EYS: variants seen among roughly 807,000 people sequenced by gnomAD.
EYS encodes the protein EGF-like photoreceptor maintenance factor.
Under a neutral mutation model 282.1 loss-of-function variants are expected in EYS, and 250 were observed. That is an observed-to-expected ratio of 0.89 (90% confidence interval 0.80 to 0.98). The LOEUF is 0.98. Ranked by LOEUF, EYS falls within the 50% of genes least tolerant of loss-of-function variation. The probability of loss-of-function intolerance (pLI) is 0.00; values close to 1 mark genes in which losing one functional copy is unlikely to be tolerated. For missense variants in EYS, 4,016 were observed against 3,709.0 expected (o/e 1.08, Z -2.15); for synonymous variants, 1,355 against 1,282.9 (o/e 1.06, Z -1.20).
At chr6:65,440,731 G>A (rs891713293) in intron 5 of EYS, among the ~76,000 whole-genome samples, 18 of 150,598 alleles carry the variant, frequency 1.2e-4, no homozygotes, top group African/African-American at 2.7e-4. Context: ...ATATAGTATC[G>A]TTGAGAAATT....
chr6:64,822,774 A>T lies in EYS; in HGVS notation c.3041T>A (p.Leu1014His), dbSNP rs1269732161. The T allele has an allele frequency of 2.6e-6, 4 of 1,549,984 alleles. No homozygotes were observed. In the East Asian group the frequency reaches 9.8e-5, roughly 38 times the overall value. Residue 1014 changes from leucine (L) to histidine (H), a missense_variant, in exon 20 of 43, where the codon CTC (leucine) becomes CAC (histidine). Coordinates refer to ENST00000503581, the MANE Select transcript of EYS (RefSeq NM_001142800.2). ...NLDECLSEPCLHDGVCIDGIN... is the reference protein window; with the variant it reads ...NLDECLSEPCHHDGVCIDGIN... The stretch of plus-strand genomic sequence containing the variant: ...GCCATCGATACAAACTCCATCATGG[A>T]GACAGGGCTCTGATAGGCATTCATC...
At chr6:65,508,059 G>A (rs571160381) in intron 2 of EYS, among the ~76,000 whole-genome samples, 1 of 152,214 alleles carries the variant, frequency 6.6e-6, no homozygotes, top group South Asian at 2.1e-4. Flanking sequence ...GGCCTCTAAT[G>A]TGGAGATCTC....
At chr6:64,890,056 C>CT (rs202073704) in intron 18 of EYS, among the ~76,000 whole-genome samples, 6,043 of 139,024 alleles carry the variant, frequency 0.043, 176 homozygotes, top group East Asian at 0.16. Flanking sequence ...CCCCCCCCCC[C>CT]CAAGGTGTGC....
At chr6:64,976,915 C>T (rs6919002) in intron 14 of EYS, among the ~76,000 whole-genome samples, 40,643 of 151,378 alleles carry the variant, frequency 0.27, 6,848 homozygotes, top group African/African-American at 0.47. Flanking sequence ...TTTTTTGAGA[C>T]GGAGTCTCAT....
intron 18 of EYS, among the ~76,000 whole-genome samples, chr6:64,891,740 A>T (rs1305794922): frequency 6.6e-6 from 1 of 152,124 alleles, no homozygotes; most frequent in Non-Finnish European, 1.5e-5. Flanking sequence ...ACTGCATTTT[A>T]TATTAAAGGT....
chr6:65,024,738 T>C (rs1428547684), intron 13 of EYS, among the ~76,000 whole-genome samples: 1 of 152,206 alleles, frequency 6.6e-6, no homozygotes, highest in Non-Finnish European at 1.5e-5. Flanking sequence ...AATATATTCA[T>C]GTAGCTTTAA....
intron 22 of EYS, among the ~76,000 whole-genome samples, chr6:64,635,006 T>C (rs1032934394): frequency 6.6e-6 from 1 of 152,044 alleles, no homozygotes; most frequent in African/African-American, 2.4e-5. Flanking sequence ...CATTGAGCAG[T>C]GGTTTGTAGT....
intron 29 of EYS, among the ~76,000 whole-genome samples, chr6:64,382,614 T>A (rs1772784083): frequency 6.6e-6 from 1 of 152,184 alleles, no homozygotes; most frequent in South Asian, 2.1e-4. Flanking sequence ...CAGTGGTACA[T>A]CTAAACCAGA....
At chr6:64,162,902 A>C (rs1201703605) in intron 31 of EYS, among the ~76,000 whole-genome samples, 1 of 152,170 alleles carries the variant, frequency 6.6e-6, no homozygotes, top group Admixed American at 6.5e-5. Flanking sequence ...ACTGTTCAGA[A>C]ATAGTATGAA....
intron 14 of EYS, among the ~76,000 whole-genome samples, chr6:64,971,048 A>G (rs1770276770): frequency 6.6e-6 from 1 of 152,216 alleles, no homozygotes. Context: ...ATAATGCAAG[A>G]AAAAGCAAAA....
intron 12 of EYS, among the ~76,000 whole-genome samples, chr6:65,105,655 G>T (rs866148714): frequency 6.6e-6 from 1 of 151,824 alleles, no homozygotes; most frequent in South Asian, 2.1e-4. Context: ...CCACTGCGGT[G>T]CACTATATAA....
Position 64,910,163 on chromosome 6 carries a change from T to C in EYS, c.2641+2321A>G, listed in dbSNP as rs539476413. The stretch of plus-strand genomic sequence containing the variant: ...GGAGCTTCCAAATCATATCTGTAGA[T>C]GTTAAGTCTTGGAATTCTTTGTAGT... On this transcript the variant is annotated intron_variant, in intron 16 of 42. Transcript: ENST00000503581. 2.7e-4 allele frequency among the ~76,000 whole-genome samples: 41 copies of C among 152,280 alleles called. No homozygotes were observed. In the South Asian group the frequency reaches 8.5e-3, roughly 32 times the overall value.
At chr6:65,514,227 T>G (rs1201178833) in intron 2 of EYS, among the ~76,000 whole-genome samples, 1 of 151,884 alleles carries the variant, frequency 6.6e-6, no homozygotes, top group Non-Finnish European at 1.5e-5. Context: ...GAATCCAACT[T>G]ACAAGGGACG....
intron 33 of EYS, among the ~76,000 whole-genome samples, chr6:64,002,656 G>T (rs1385387315): frequency 1.3e-5 from 2 of 152,196 alleles, no homozygotes; most frequent in African/African-American, 4.8e-5. Context: ...CACATGTCCT[G>T]TGAGGGGAAT....
chr6:65,323,638 CTCAG>C (rs1452216224), intron 11 of EYS, among the ~76,000 whole-genome samples: 2 of 117,760 alleles, frequency 1.7e-5, no homozygotes, highest in Non-Finnish European at 3.5e-5. Context: ...GGCAAAATAT[CTCAG>C]TCAAAGTAGC....
rs1384733274 is a variant in EYS at position 64,125,145 on chromosome 6, A to ACTCT, written c.6425-43144_6425-43143insAGAG. Among the ~76,000 whole-genome samples the ACTCT allele has an allele frequency of 4.9e-4, 72 of 146,786 alleles. No individual in the cohort carries two copies. In the East Asian group the frequency reaches 0.013, roughly 25 times the overall value. Reference sequence around the variant, plus strand: ...CTGATGATGTCAAACACACACACACACACTCTCTGTCTCTCTCTCTCTCTC... The same window carrying ACTCT: ...CTGATGATGTCAAACACACACACACACTCTCACTCTCTGTCTCTCTCTCTCTCTC... On this transcript the variant is annotated intron_variant, in intron 31 of 42. Coordinates refer to ENST00000503581, the MANE Select transcript of EYS (RefSeq NM_001142800.2).
intron 26 of EYS, among the ~76,000 whole-genome samples, chr6:64,570,220 T>A (rs1765682381): frequency 6.6e-6 from 1 of 152,040 alleles, no homozygotes; most frequent in African/African-American, 2.4e-5. Flanking sequence ...AGAAATAAAA[T>A]CCTTTTCAGA....
At chr6:64,543,951 G>A (rs1764766361) in intron 26 of EYS, among the ~76,000 whole-genome samples, 1 of 152,134 alleles carries the variant, frequency 6.6e-6, no homozygotes, top group Admixed American at 6.5e-5. Flanking sequence ...CATTTTCCTT[G>A]ATAAGCACAT....
chr6:63,832,924 A>G (rs1771687051), intron 36 of EYS, among the ~76,000 whole-genome samples: 1 of 152,206 alleles, frequency 6.6e-6, no homozygotes, highest in African/African-American at 2.4e-5. Context: ...AAGCAAATCA[A>G]TAAATGGAAT....
Sources: gnomAD v4.1 joint callset for allele counts (sites outside exome capture counted in the v4.1 genomes callset) on GRCh38, gnomAD v4.1.1 for gene constraint, MANE v1.5 for transcripts, NCBI Gene and HGNC (gene_info 2026-07-23, HGNC 2026-07-21) for gene names.